The following DPP10 variants were observed in gnomAD, a reference collection of about 807,000 sequenced individuals.
DPP10 encodes dipeptidyl peptidase like 10.
A neutral mutation model predicts 120.9 loss-of-function variants in DPP10; 33 were observed. The ratio of observed to expected loss-of-function variants is 0.27; its 90% CI spans 0.21 to 0.37. The LOEUF (loss-of-function observed/expected upper bound fraction) is 0.37, where lower values mean the gene tolerates loss of function less well. Ranked by LOEUF, DPP10 falls within the 10% of genes least tolerant of loss-of-function variation. DPP10 has a pLI of 1.00. For missense variants in DPP10, 816 were observed against 942.8 expected, an observed-to-expected ratio of 0.87 and a Z score of 1.76; for synonymous variants, 337 against 326.1, an observed-to-expected ratio of 1.03 and a Z score of -0.36.
intron 1 of DPP10, among the ~76,000 whole-genome samples, chr2:115,057,565 A>T (rs542250904): frequency 6.6e-6 from 1 of 152,346 alleles, no homozygotes; most frequent in East Asian, 1.9e-4. Context: ...AGGTGAAATT[A>T]TATTTTTATG....
chr2:115,560,403 A>AAAAAATATATATATAT (rs1553448798), intron 5 of DPP10, among the ~76,000 whole-genome samples: 1 of 17,856 alleles, frequency 5.6e-5, no homozygotes, highest in Non-Finnish European at 9.8e-5. Flanking sequence ...AAAAAAAAAA[A>AAAAAATATATATATAT]ATATATATAT....
chr2:114,789,080 G>T (rs1194637818), intron 1 of DPP10, among the ~76,000 whole-genome samples: 2 of 152,142 alleles, frequency 1.3e-5, no homozygotes, highest in Non-Finnish European at 2.9e-5. Context: ...ACTTCACCAG[G>T]CTCTTGTCTA....
chr2:114,669,357 T>C (rs1461437646), intron 1 of DPP10, among the ~76,000 whole-genome samples: 2 of 152,176 alleles, frequency 1.3e-5, no homozygotes, highest in African/African-American at 4.8e-5. Context: ...GTGTGATTGT[T>C]CAGCCTACAG....
chr2:114,592,529 T>C (rs1368632925), intron 1 of DPP10, among the ~76,000 whole-genome samples: 1 of 152,114 alleles, frequency 6.6e-6, no homozygotes, highest in Non-Finnish European at 1.5e-5. Context: ...AGTTTTGGGA[T>C]TTCATGAGGA....
chr2:115,789,910 C>T (rs368088079), intron 17 of DPP10, among the ~76,000 whole-genome samples: 41 of 152,154 alleles, frequency 2.7e-4, no homozygotes, highest in Middle Eastern at 3.4e-3. Context: ...AATACCTCCT[C>T]TAAAATCTGT....
chr2:115,145,584 G>A (rs2051178778), intron 1 of DPP10, among the ~76,000 whole-genome samples: 1 of 152,072 alleles, frequency 6.6e-6, no homozygotes, highest in African/African-American at 2.4e-5. Context: ...CCAAGTTTTG[G>A]CAATTATAAA....
intron 3 of DPP10, among the ~76,000 whole-genome samples, chr2:115,415,843 A>ATATATATATATG (rs1288008882): frequency 8.4e-6 from 1 of 119,266 alleles, no homozygotes; most frequent in Non-Finnish European, 1.7e-5. Context: ...ATTTGCTTTT[A>ATATATATATATG]TATATATATA....
At chr2:115,119,078 G>A (rs1256969309) in intron 1 of DPP10, among the ~76,000 whole-genome samples, 2 of 152,024 alleles carry the variant, frequency 1.3e-5, no homozygotes. Flanking sequence ...ATTCATCTAG[G>A]GTTTGCATTT....
chr2:115,071,141 TC>T (rs1707331709), intron 1 of DPP10, among the ~76,000 whole-genome samples: 1 of 152,230 alleles, frequency 6.6e-6, no homozygotes, highest in Non-Finnish European at 1.5e-5. Context: ...AAACGTCCTT[TC>T]TCTTCAAAGA....
At chr2:114,894,040 A>G (rs921916855) in intron 1 of DPP10, among the ~76,000 whole-genome samples, 1 of 152,050 alleles carries the variant, frequency 6.6e-6, no homozygotes, top group African/African-American at 2.4e-5. Flanking sequence ...TCCACTTTTC[A>G]ATTATTCTAC....
chr2:114,497,006 A>G (rs1285270224), intron 1 of DPP10, among the ~76,000 whole-genome samples: 1 of 151,122 alleles, frequency 6.6e-6, no homozygotes, highest in East Asian at 2.0e-4. Flanking sequence ...ACATATATAT[A>G]TATAATATGT....
intron 5 of DPP10, among the ~76,000 whole-genome samples, chr2:115,539,806 A>G (rs1383970931): frequency 1.4e-5 from 2 of 144,432 alleles, no homozygotes; most frequent in African/African-American, 2.8e-5. Context: ...TAGAAACAGA[A>G]AACTTCAAGT....
chr2:115,026,664 G>A (rs1057218512), intron 1 of DPP10, among the ~76,000 whole-genome samples: 2 of 152,018 alleles, frequency 1.3e-5, no homozygotes, highest in African/African-American at 4.8e-5. Context: ...GCCTCCCAGT[G>A]TAGCTGGGAT....
chr2:114,514,682 G>A (rs1274867753), intron 1 of DPP10, among the ~76,000 whole-genome samples: 1 of 152,076 alleles, frequency 6.6e-6, no homozygotes, highest in Non-Finnish European at 1.5e-5. Context: ...ATGGCAAAGA[G>A]AAGAGTGGGA....
chr2:114,763,773 A>G (rs937864334), intron 1 of DPP10, among the ~76,000 whole-genome samples: 5 of 152,208 alleles, frequency 3.3e-5, no homozygotes, highest in Non-Finnish European at 7.3e-5. Flanking sequence ...AGAATTTGGC[A>G]TATGTGGCCT....
intron 1 of DPP10, among the ~76,000 whole-genome samples, chr2:114,544,813 A>G (rs1389927523): frequency 6.6e-6 from 1 of 152,102 alleles, no homozygotes; most frequent in Non-Finnish European, 1.5e-5. Context: ...ATTTTAATGT[A>G]TGGATTATGT....
intron 1 of DPP10, among the ~76,000 whole-genome samples, chr2:114,591,302 A>T (rs745466543): frequency 6.6e-6 from 1 of 152,246 alleles, no homozygotes; most frequent in Non-Finnish European, 1.5e-5. Context: ...TGCATTTTGA[A>T]GCAATGACTC....
intron 1 of DPP10, among the ~76,000 whole-genome samples, chr2:115,104,251 G>T (rs1206266897): frequency 7.6e-6 from 1 of 131,622 alleles, no homozygotes; most frequent in Non-Finnish European, 1.5e-5. Flanking sequence ...CATGACCATA[G>T]CTCACTGCAG....
chr2:115,089,194 C>G (rs62164531), intron 1 of DPP10, among the ~76,000 whole-genome samples: 14,167 of 152,108 alleles, frequency 0.093, 930 homozygotes, highest in Non-Finnish European at 0.13. Context: ...CTGAACATAC[C>G]TAGACCTCAT....
Sources: gnomAD v4.1 joint callset for allele counts (sites outside exome capture counted in the v4.1 genomes callset) on GRCh38, gnomAD v4.1.1 for gene constraint, MANE v1.5 for transcripts, NCBI Gene and HGNC (gene_info 2026-07-23, HGNC 2026-07-21) for gene names.